AGBL1: variants seen among roughly 807,000 people sequenced by gnomAD.
AGBL1 encodes AGBL carboxypeptidase 1.
Under a neutral mutation model 118.9 loss-of-function variants are expected in AGBL1, and 130 were observed. That is an observed-to-expected ratio of 1.09 (90% confidence interval 0.95 to 1.26). The LOEUF is 1.26. Among genes scored for constraint, AGBL1 ranks in the 50% most tolerant of loss-of-function variants. AGBL1 has a pLI of 0.00. For missense variants in AGBL1, 1,584 were observed against 1,298.1 expected, an observed-to-expected ratio of 1.22 and a Z score of -3.38; for synonymous variants, 555 against 478.9, an observed-to-expected ratio of 1.16 and a Z score of -2.08.
At chr15:86,410,485 C>G (rs1241507060) in intron 18 of AGBL1, among the ~76,000 whole-genome samples, 1 of 151,998 alleles carries the variant, frequency 6.6e-6, no homozygotes, top group African/African-American at 2.4e-5. Context: ...ATTTACTTAA[C>G]TTCTCTACTC....
At chr15:86,079,868 G>A (rs1836289407), upstream of AGBL1, 1 of 799,478 alleles carries the variant, frequency 1.3e-6, no homozygotes, top group East Asian at 3.3e-5. Flanking sequence ...GAGGCCTCCG[G>A]GCAGTCGTCT....
intron 22 of AGBL1, among the ~76,000 whole-genome samples, chr15:86,768,880 C>T (rs535675447): frequency 3.1e-4 from 47 of 151,956 alleles, no homozygotes; most frequent in Non-Finnish European, 5.9e-4. Flanking sequence ...TAAAAATAAT[C>T]TGTAGAATGA....
intron 22 of AGBL1, among the ~76,000 whole-genome samples, chr15:86,716,316 G>A (rs1367535428): frequency 2.0e-5 from 3 of 151,826 alleles, no homozygotes; most frequent in Non-Finnish European, 2.9e-5. Flanking sequence ...TAGCATTGCT[G>A]CATGGGGGAA....
chr15:86,346,051 C>T (rs7181833), intron 17 of AGBL1, among the ~76,000 whole-genome samples: 4,161 of 151,558 alleles, frequency 0.027, 83 homozygotes, highest in Middle Eastern at 0.066. Flanking sequence ...GGCGTGATCT[C>T]GGCTCACTGC....
chr15:86,955,939 G>A (rs981697146), intron 23 of AGBL1, among the ~76,000 whole-genome samples: 5 of 152,086 alleles, frequency 3.3e-5, no homozygotes, highest in Non-Finnish European at 7.4e-5. Flanking sequence ...GAGACATGAA[G>A]CCAGGGTTTT....
intron 19 of AGBL1, among the ~76,000 whole-genome samples, chr15:86,534,112 T>TAAA (rs61563504): frequency 1.2e-3 from 111 of 95,868 alleles, no homozygotes; most frequent in East Asian, 2.0e-3. Flanking sequence ...TAAAGTATAA[T>TAAA]AAAAAAAAAA....
At chr15:86,749,061 C>T (rs2077804995) in intron 22 of AGBL1, among the ~76,000 whole-genome samples, 1 of 152,054 alleles carries the variant, frequency 6.6e-6, no homozygotes, top group Non-Finnish European at 1.5e-5. Flanking sequence ...TCATTGGTAG[C>T]TTGATGGGGA....
chr15:86,289,601 C>T (rs888222313), intron 16 of AGBL1, among the ~76,000 whole-genome samples: 10 of 152,086 alleles, frequency 6.6e-5, no homozygotes, highest in Admixed American at 1.3e-4. Flanking sequence ...TCAGAATCCA[C>T]GCAACCAGAA....
intron 21 of AGBL1, among the ~76,000 whole-genome samples, chr15:86,654,628 G>C (rs1370911558): frequency 6.6e-6 from 1 of 152,154 alleles, no homozygotes; most frequent in East Asian, 1.9e-4. Flanking sequence ...TTCATGGAAA[G>C]AGGTGGATGG....
intron 19 of AGBL1, among the ~76,000 whole-genome samples, chr15:86,542,800 G>C (rs2083523158): frequency 6.6e-6 from 1 of 152,112 alleles, no homozygotes; most frequent in Non-Finnish European, 1.5e-5. Flanking sequence ...AATTCTTCTT[G>C]TTCTGATGTC....
intron 2 of AGBL1, 143 bp downstream of exon 2, chr15:86,142,210 C>T: frequency 1.3e-6 from 1 of 782,804 alleles, no homozygotes; most frequent in Non-Finnish European, 2.0e-6. Flanking sequence ...CATCTTTTTT[C>T]TCTAAGGTTA....
intron 23 of AGBL1, among the ~76,000 whole-genome samples, chr15:86,928,741 G>T (rs2080573928): frequency 6.6e-6 from 1 of 152,040 alleles, no homozygotes; most frequent in Non-Finnish European, 1.5e-5. Context: ...AATGTTTCTG[G>T]CAATAAAGCA....
At chr15:86,638,429 C>G (rs757361259) in intron 21 of AGBL1, among the ~76,000 whole-genome samples, 1 of 152,180 alleles carries the variant, frequency 6.6e-6, no homozygotes, top group Non-Finnish European at 1.5e-5. Flanking sequence ...CCATGGGTGC[C>G]GCGTTCAGGC....
intron 22 of AGBL1, among the ~76,000 whole-genome samples, chr15:86,895,599 ATAAT>A (rs1457563042): frequency 6.6e-6 from 1 of 152,008 alleles, no homozygotes. Context: ...TTGACAAGAC[ATAAT>A]TAATTTCTTT....
chr15:86,734,714 C>G (rs556584832), intron 22 of AGBL1, among the ~76,000 whole-genome samples: 2 of 152,160 alleles, frequency 1.3e-5, no homozygotes, highest in Admixed American at 1.3e-4. Context: ...GGAGACAACA[C>G]TGGCTCTTTC....
chr15:86,658,747 G>A (rs2085497413), intron 21 of AGBL1, among the ~76,000 whole-genome samples: 1 of 152,074 alleles, frequency 6.6e-6, no homozygotes, highest in African/African-American at 2.4e-5. Context: ...TCTGATATTT[G>A]GCCCATAACC....
intron 18 of AGBL1, among the ~76,000 whole-genome samples, chr15:86,434,332 G>A (rs1348539713): frequency 2.0e-5 from 3 of 152,172 alleles, no homozygotes; most frequent in Non-Finnish European, 4.4e-5. Context: ...ATTCAATAAT[G>A]TCTGACCTTG....
At chr15:86,548,848 T>G (rs2083624934) in intron 20 of AGBL1, among the ~76,000 whole-genome samples, 1 of 152,116 alleles carries the variant, frequency 6.6e-6, no homozygotes, top group African/African-American at 2.4e-5. Flanking sequence ...CTCATGGTTA[T>G]GCAGGCTGTT....
chr15:86,168,955 G>A (rs190065822), intron 5 of AGBL1, among the ~76,000 whole-genome samples: 254 of 152,218 alleles, frequency 1.7e-3, no homozygotes, highest in African/African-American at 6.0e-3. Context: ...AGATATTAGT[G>A]TTCTCACCTT....
Sources: allele counts gnomAD v4.1 joint callset (sites outside exome capture counted in the v4.1 genomes callset), GRCh38; gene constraint gnomAD v4.1.1; transcripts MANE v1.5; gene names NCBI Gene and HGNC (gene_info 2026-07-23, HGNC 2026-07-21).